Variants in FAM111A observed in about 807,000 individuals in gnomAD.
FAM111A encodes serine protease FAM111A.
In FAM111A, 8 loss-of-function variants were observed where a neutral mutation model predicts 3.3. That is an observed-to-expected ratio of 2.39 (90% CI 1.40 to 4.32). The LOEUF is 4.32. Among genes scored for constraint, FAM111A ranks in the 30% most tolerant of loss-of-function variants. The probability of loss-of-function intolerance (pLI) is 0.00; values close to 1 mark genes in which losing one functional copy is unlikely to be tolerated. For synonymous variants in FAM111A, 227 were observed against 243.1 expected (o/e 0.93, Z 0.62); for missense variants, 683 against 727.6 (o/e 0.94, Z 0.71).
intron 4 of FAM111A, among the ~76,000 whole-genome samples, chr11:59,146,990 A>G (rs2135443562): frequency 6.6e-6 from 1 of 152,010 alleles, no homozygotes; most frequent in East Asian, 2.0e-4. Flanking sequence ...AAATGTCATG[A>G]TGTTTCTAGC....
intron 5 of FAM111A, among the ~76,000 whole-genome samples, chr11:59,150,375 G>A (rs758951237): frequency 1.1e-4 from 16 of 152,146 alleles, no homozygotes; most frequent in Non-Finnish European, 7.4e-5. Context: ...TAGTCATTGT[G>A]CTAGGCATTG....
Position 59,151,753 on chromosome 11 carries a change from T to G in FAM111A, c.85T>G (p.Ser29Ala). The change falls in exon 6 of 6, where the codon TCT becomes GCT. Residue 29 changes from serine (S) to alanine (A), a missense_variant. This residue lies in a region of FAM111A where 557 missense variants were observed against 600.2 expected (regional missense o/e 0.93). Coordinates refer to ENST00000675163, the MANE Select transcript of FAM111A (RefSeq NM_001312909.2). ...MKIEHYFSPV[S>A]KEQQNNCSTS... Reference sequence around the variant, plus strand: ...AGTATCTAACATTTATTTTTAGGTCTCTAAAGAGCAACAGAATAATTGCAG... The same window carrying G: ...AGTATCTAACATTTATTTTTAGGTCGCTAAAGAGCAACAGAATAATTGCAG... 6.4e-7 allele frequency: 1 copy of G among 1,573,388 alleles called. No individual in the cohort carries two copies. The highest frequency in any genetic ancestry group is 8.6e-7 in the Non-Finnish European group (1 of 1,166,202).
At position 59,151,751 on chromosome 11, in the gene FAM111A, T is replaced by C. The variant is rs1423503813; in HGVS notation, c.83T>C (p.Val28Ala). 1.3e-6 allele frequency: 2 copies of C among 1,570,198 alleles called. No homozygotes were observed. Among genetic ancestry groups the C allele is most frequent in the South Asian group, 2.4e-5 (2 of 83,822 alleles). Residue 28 changes from valine to alanine, a missense_variant and splice_region_variant, in exon 6 of 6, where the codon GTC (valine) becomes GCC (alanine). By Grantham distance (64) the Val-to-Ala change is moderately conservative (BLOSUM62 0). Around this residue, in one of 3 missense-constraint regions of FAM111A, gnomAD observed 557 missense variants for 600.2 expected, o/e 0.93. Coordinates refer to ENST00000675163, the MANE Select transcript of FAM111A (RefSeq NM_001312909.2). ...NMKIEHYFSP[V>A]SKEQQNNCST... is the part of the protein sequence containing the mutation. Reference sequence around the variant, plus strand: ...AAAGTATCTAACATTTATTTTTAGGTCTCTAAAGAGCAACAGAATAATTGC... The same window carrying C: ...AAAGTATCTAACATTTATTTTTAGGCCTCTAAAGAGCAACAGAATAATTGC...
In FAM111A at chr11:59,152,432, C is replaced by T. The variant is rs1861807047; in HGVS notation, c.764C>T (p.Pro255Leu). Residue 255 changes from proline to leucine, a missense_variant, in exon 6 of 6, where the codon CCA becomes CTA. By Grantham distance (98) the Pro-to-Leu change is moderately conservative (BLOSUM62 -3). Coordinates refer to ENST00000675163, the MANE Select transcript of FAM111A (RefSeq NM_001312909.2). ...NNDTILESTQ[P>L]VDELEGRYFQ... Reference sequence around the variant, plus strand: ...GACACCATTTTAGAAAGCACCCAGCCAGTTGATGAATTAGAAGGCAGATAC... The same window carrying T: ...GACACCATTTTAGAAAGCACCCAGCTAGTTGATGAATTAGAAGGCAGATAC... 2 of 1,613,510 alleles carry T rather than the reference C, an allele frequency of 1.2e-6. No individual in the cohort carries two copies.
At chr11:59,150,824 T>C (rs1861560337) in intron 5 of FAM111A, among the ~76,000 whole-genome samples, 1 of 151,016 alleles carries the variant, frequency 6.6e-6, no homozygotes, top group Non-Finnish European at 1.5e-5. Context: ...ATCAAAAGGA[T>C]AGATAAGTCA....
At chr11:59,151,398 G>T (rs577110722) in intron 5 of FAM111A, among the ~76,000 whole-genome samples, 3 of 152,162 alleles carry the variant, frequency 2.0e-5, no homozygotes, top group Non-Finnish European at 4.4e-5. Flanking sequence ...TGATCCACCC[G>T]CCTTGGCCTC....
At chr11:59,145,930 G>A (rs1860807959) in intron 4 of FAM111A, 74 bp downstream of exon 4, 1 of 151,550 alleles carries the variant, frequency 6.6e-6, no homozygotes, top group Non-Finnish European at 1.5e-5. Context: ...ATTACATACA[G>A]GCAGTGTTTT....
At position 59,153,682 on chromosome 11, in the gene FAM111A, G is replaced by A; in HGVS notation, c.*178G>A. On this transcript the variant is annotated 3_prime_UTR_variant, in exon 6 of 6. Coordinates refer to ENST00000675163, the MANE Select transcript of FAM111A (RefSeq NM_001312909.2). Reference sequence around the variant, plus strand: ...GAAATTAGTCCTAACAACACTATGAGATGGACTATAACTTGCCCAAATTTT... The same window carrying A: ...GAAATTAGTCCTAACAACACTATGAAATGGACTATAACTTGCCCAAATTTT... 1 of 542,966 alleles carries A rather than the reference G, an allele frequency of 1.8e-6. No individual in the cohort carries two copies. Among genetic ancestry groups the A allele is most frequent in the Non-Finnish European group, 3.2e-6 (1 of 315,936 alleles). 33.6% of individuals were successfully genotyped at this position (542,966 alleles called of 1,614,324 possible).
rs1228787436 is a variant in FAM111A, at chr11:59,153,651, C to G, written c.*147C>G. 6.2e-6 allele frequency: 4 copies of G among 647,742 alleles called. No individual in the cohort carries two copies. Among genetic ancestry groups the G allele is most frequent in the Non-Finnish European group, 1.0e-5 (4 of 391,634 alleles). 40.1% of individuals were successfully genotyped at this position (647,742 alleles called of 1,614,324 possible). ...TATCTGCCAGGCATTTTTCTAAGCA[C>G]ATGAAGAAATTAGTCCTAACAACAC... On this transcript the variant is annotated 3_prime_UTR_variant, in exon 6 of 6. Transcript: ENST00000675163.
rs1325106059 is a variant in FAM111A at position 59,152,456 on chromosome 11, A to G, written c.788A>G (p.Tyr263Cys). The change falls in exon 6 of 6, where the codon TAC becomes TGC. Residue 263 changes from tyrosine to cysteine, a missense_variant. Physicochemically the swap from Tyr to Cys is radical, Grantham distance 194 (BLOSUM62 -2). Coordinates refer to ENST00000675163, the MANE Select transcript of FAM111A (RefSeq NM_001312909.2). ...CCAGTTGATGAATTAGAAGGCAGATACTTTCAGGTTGAGGTTGAGAAAAGA... is the reference window on the plus strand; with the variant it reads ...CCAGTTGATGAATTAGAAGGCAGATGCTTTCAGGTTGAGGTTGAGAAAAGA... ...TQPVDELEGR[Y>C]FQVEVEKRMV... The G allele has an allele frequency of 1.9e-6, 3 of 1,614,156 alleles. No individual in the cohort carries two copies. Among genetic ancestry groups the G allele is most frequent in the Admixed American group, 3.3e-5 (2 of 60,022 alleles).
At chr11:59,151,168 G>C (rs530603567) in intron 5 of FAM111A, among the ~76,000 whole-genome samples, 1 of 145,790 alleles carries the variant, frequency 6.9e-6, no homozygotes, top group East Asian at 2.0e-4. Flanking sequence ...TTTTTTTTTT[G>C]AGATGGAGTT....
Position 59,153,188 on chromosome 11 carries a change from A to C in FAM111A, c.1520A>C (p.Glu507Ala). Residue 507 changes from glutamate to alanine, a missense_variant, in exon 6 of 6, where the codon GAA becomes GCA. By Grantham distance (107) the Glu-to-Ala change is moderately radical (BLOSUM62 -1). Around this residue, in one of 3 missense-constraint regions of FAM111A, gnomAD observed 557 missense variants for 600.2 expected, o/e 0.93. Coordinates refer to ENST00000675163, the MANE Select transcript of FAM111A (RefSeq NM_001312909.2). The part of the protein sequence containing the change: ...CQERVQSKKA[E>A]SPEYVHMYTQ... ...GAACGTGTTCAGTCTAAAAAAGCAG[A>C]AAGTCCAGAGTATGTCCATATGTAT... 1 of 1,614,204 alleles carries C rather than the reference A, an allele frequency of 6.2e-7. No individual in the cohort carries two copies. The highest frequency in any genetic ancestry group is 8.5e-7 in the Non-Finnish European group (1 of 1,180,032).
rs1259500552 is a variant in FAM111A, at chr11:59,152,251, A to G, written c.583A>G (p.Lys195Glu). 1.2e-6 allele frequency: 2 copies of G among 1,614,194 alleles called. No homozygotes were observed. Among genetic ancestry groups the G allele is most frequent in the Non-Finnish European group, 1.7e-6 (2 of 1,180,042 alleles). ...YIHAIGIGKC[K>E]RRIVKCGKLH... Reference sequence around the variant, plus strand: ...TCATGCAATTGGAATTGGGAAGTGTAAAAGAAGGATTGTTAAATGTGGGAA... The same window carrying G: ...TCATGCAATTGGAATTGGGAAGTGTGAAAGAAGGATTGTTAAATGTGGGAA... Residue 195 changes from lysine to glutamate, a missense_variant, in exon 6 of 6, where the codon AAA becomes GAA. This residue lies in a region of FAM111A where 557 missense variants were observed against 600.2 expected (regional missense o/e 0.93). Coordinates refer to ENST00000675163, the MANE Select transcript of FAM111A (RefSeq NM_001312909.2).
intron 5 of FAM111A, among the ~76,000 whole-genome samples, chr11:59,150,422 C>A (rs1339641636): frequency 6.6e-6 from 1 of 152,116 alleles, no homozygotes; most frequent in Non-Finnish European, 1.5e-5. Flanking sequence ...TTACAATATT[C>A]CTAGCATTGT....
In FAM111A at chr11:59,153,456, A is replaced by G. The variant is rs1245286010; in HGVS notation, c.1788A>G (p.Val596=). The G allele has an allele frequency of 2.5e-6, 4 of 1,612,846 alleles. No homozygotes were observed. The highest frequency in any genetic ancestry group is 3.4e-6 in the Non-Finnish European group (4 of 1,179,572). ...KQRHKPWYEE[V]FVNQQDVEMM... ...GACATAAACCATGGTATGAAGAAGTATTTGTAAATCAGCAGGATGTAGAAA... is the reference window on the plus strand; with the variant it reads ...GACATAAACCATGGTATGAAGAAGTGTTTGTAAATCAGCAGGATGTAGAAA... Residue 596 remains valine, a synonymous_variant, in exon 6 of 6, where the codon GTA becomes GTG. Transcript: ENST00000675163.
chr11:59,151,704 C>A, intron 5 of FAM111A, 46 bp from the exon 6 acceptor site: 1 of 1,390,394 alleles, frequency 7.2e-7, no homozygotes, highest in Non-Finnish European at 9.8e-7. Context: ...AAACAAAAGA[C>A]TCGGGTTGCA....
At chr11:59,150,506 T>C (rs537324590) in intron 5 of FAM111A, among the ~76,000 whole-genome samples, 2 of 152,312 alleles carry the variant, frequency 1.3e-5, no homozygotes, top group African/African-American at 4.8e-5. Flanking sequence ...ATGATGAATA[T>C]GACTTGGGAA....
chr11:59,152,769 G>C lies in FAM111A; in HGVS notation c.1101G>C (p.Thr367=). The C allele has an allele frequency of 6.2e-7, 1 of 1,614,136 alleles. No individual in the cohort carries two copies. The highest frequency in any genetic ancestry group is 8.5e-7 in the Non-Finnish European group (1 of 1,180,024). ...ACTTATTCTGGGACAGTGCAACTAC[G>C]GGTTACGCCACCTGCTTTGTTTTTA... ...VGYLFWDSAT[T]GYATCFVFKG... The change falls in exon 6 of 6, where the codon ACG becomes ACC. Residue 367 remains threonine, a synonymous_variant. Transcript: ENST00000675163.
Position 59,153,053 on chromosome 11 carries a change from C to T in FAM111A, c.1385C>T (p.Pro462Leu), listed in dbSNP as rs746124549. ...VPMELYNGIT[P>L]VPLSGLIHII... ...ATGGAACTATATAATGGAATTACTC[C>T]TGTGCCACTTAGTGGGTTGATACAT... Residue 462 changes from proline to leucine, a missense_variant, in exon 6 of 6, where the codon CCT becomes CTT. Pro to Leu is a moderately conservative substitution (Grantham distance 98, BLOSUM62 -3). Around this residue, in one of 3 missense-constraint regions of FAM111A, gnomAD observed 557 missense variants for 600.2 expected, o/e 0.93. Transcript: ENST00000675163. The T allele has an allele frequency of 6.2e-7, 1 of 1,614,118 alleles. No homozygotes were observed. Among genetic ancestry groups the T allele is most frequent in the East Asian group, 2.2e-5 (1 of 44,890 alleles).
Sources: gnomAD v4.1 joint callset for allele counts (sites outside exome capture counted in the v4.1 genomes callset) on GRCh38, gnomAD v4.1.1 for gene constraint, gnomAD v4.1.1 regional missense constraint, MANE v1.5 for transcripts, NCBI Gene and HGNC (gene_info 2026-07-23, HGNC 2026-07-21) for gene names.